The following LRP1B variants were observed in gnomAD, a reference collection of about 807,000 sequenced individuals.
LRP1B encodes LDL receptor related protein 1B, also known as low-density lipoprotein receptor-related protein 1B.
Under a neutral mutation model 556.6 loss-of-function variants are expected in LRP1B, and 217 were observed. The observed-to-expected ratio is 0.39, with a 90% CI of 0.35 to 0.44. The LOEUF is 0.44. LRP1B is among the 20% of genes least tolerant of loss of function. The pLI is 1.00. For synonymous variants in LRP1B, 2,047 were observed against 1,865.8 expected (o/e 1.10, Z -2.50); for missense variants, 5,053 against 5,620.8 (o/e 0.90, Z 3.23).
chr2:140,388,387 T>G (rs1158631318), intron 66 of LRP1B, among the ~76,000 whole-genome samples: 1 of 152,196 alleles, frequency 6.6e-6, no homozygotes, highest in African/African-American at 2.4e-5. Flanking sequence ...AAGGTTAATA[T>G]TTGGTAATGA....
At chr2:140,437,416 G>A (rs541335832) in intron 66 of LRP1B, among the ~76,000 whole-genome samples, 2 of 152,278 alleles carry the variant, frequency 1.3e-5, no homozygotes, top group East Asian at 3.9e-4. Context: ...AGCCACACAG[G>A]ATAGGGGCAC....
Position 140,672,417 on chromosome 2 carries a change from G to C in LRP1B, c.6799+27833C>G, listed in dbSNP as rs149764728. 5.8e-3 allele frequency among the ~76,000 whole-genome samples: 850 copies of C among 145,394 alleles called. 11 individuals are homozygous for C. The highest frequency in any genetic ancestry group is 0.02 in the African/African-American group (803 of 39,370). ...GAGAATCGCTTGAACCCAGGAAGCA[G>C]AGGTTGCAGTGAGCAGAAATCGCAC... is the stretch of plus-strand genomic sequence containing the variant. On this transcript the variant is annotated intron_variant, in intron 41 of 90. Transcript: ENST00000389484.
chr2:140,477,595 CAAT>C (rs1181441742), intron 59 of LRP1B, among the ~76,000 whole-genome samples: 3 of 152,002 alleles, frequency 2.0e-5, no homozygotes, highest in Non-Finnish European at 4.4e-5. Flanking sequence ...TATTAGATGT[CAAT>C]AATAATGTTT....
At position 141,441,451 on chromosome 2, in the gene LRP1B, C is replaced by T. The variant is rs145096830; in HGVS notation, c.343+38945G>A. On this transcript the variant is annotated intron_variant, in intron 3 of 90. Coordinates refer to ENST00000389484, the MANE Select transcript of LRP1B (RefSeq NM_018557.3). The stretch of plus-strand genomic sequence containing the variant: ...ACTGATCCCTAAGGAATCTCAGTAA[C>T]TTAGAAGCACACTTAAACCATAAAT... Among the ~76,000 whole-genome samples, 40 of 152,292 alleles carry T rather than the reference C, an allele frequency of 2.6e-4. No individual in the cohort carries two copies. The East Asian group carries it at 5.0e-3, about 19-fold the overall frequency.
chr2:140,739,911 CAT>C (rs1454940046), intron 35 of LRP1B, among the ~76,000 whole-genome samples: 1 of 152,084 alleles, frequency 6.6e-6, no homozygotes, highest in African/African-American at 2.4e-5. Context: ...GACCAACAAA[CAT>C]ATGAAAAATG....
intron 7 of LRP1B, among the ~76,000 whole-genome samples, chr2:141,101,759 G>A (rs371887099): frequency 6.6e-6 from 1 of 152,078 alleles, no homozygotes; most frequent in African/African-American, 2.4e-5. Context: ...TTACTTTTCT[G>A]TAAACCCACG....
At position 140,593,206 on chromosome 2, in the gene LRP1B, T is replaced by C. The variant is rs573418768; in HGVS notation, c.7194+5425A>G. On this transcript the variant is annotated intron_variant, in intron 43 of 90. Transcript: ENST00000389484. The stretch of plus-strand genomic sequence containing the variant: ...GATTTCTTCCTGGGAATATATTCCT[T>C]AAACAATCTTGGATTCAGTTTTTAA... Among the ~76,000 whole-genome samples the C allele has an allele frequency of 2.0e-5, 3 of 152,304 alleles. No individual in the cohort carries two copies. The East Asian group carries it at 5.8e-4, about 29-fold the overall frequency.
chr2:140,851,720 T>C lies in LRP1B; in HGVS notation c.4643A>G (p.His1548Arg). ...GPCSHMCLIN[H>R]NRSAACACPH... is the part of the protein sequence containing the mutation. ...GCACGCACAGGCAGCACTCCTATTG[T>C]GATTGATTAGACACATGTGAGAGCA... is the stretch of plus-strand genomic sequence containing the variant. The change falls in exon 28 of 91, where the codon CAC becomes CGC. Residue 1548 changes from histidine to arginine, a missense_variant. By Grantham distance (29) the His-to-Arg change is conservative. Around this residue, in one of 5 missense-constraint regions of LRP1B, gnomAD observed 3,619 missense variants for 3,931.9 expected, o/e 0.92. Transcript: ENST00000389484. 1 of 1,610,488 alleles carries C rather than the reference T, an allele frequency of 6.2e-7. No individual in the cohort carries two copies. The highest frequency in any genetic ancestry group is 1.7e-4 in the Middle Eastern group (1 of 6,056).
intron 84 of LRP1B, among the ~76,000 whole-genome samples, chr2:140,275,040 G>A (rs186512742): frequency 1.8e-4 from 28 of 152,032 alleles, no homozygotes; most frequent in Non-Finnish European, 1.0e-4. Flanking sequence ...AATGAGGGTC[G>A]TGATTACATC....
intron 2 of LRP1B, among the ~76,000 whole-genome samples, chr2:141,530,659 G>T (rs1684842195): frequency 6.6e-6 from 1 of 152,028 alleles, no homozygotes; most frequent in Non-Finnish European, 1.5e-5. Flanking sequence ...GATTAAGAGG[G>T]TAGGGAAGGG....
chr2:141,779,519 C>T (rs1468057198), intron 2 of LRP1B, among the ~76,000 whole-genome samples: 2 of 150,630 alleles, frequency 1.3e-5, no homozygotes, highest in East Asian at 2.0e-4. Flanking sequence ...CAGGTTCAAG[C>T]GATTCTGCTG....
chr2:141,050,461 A>G (rs1699003818), intron 10 of LRP1B, among the ~76,000 whole-genome samples: 1 of 151,956 alleles, frequency 6.6e-6, no homozygotes, highest in Non-Finnish European at 1.5e-5. Context: ...TAAGCCCCAC[A>G]TGCATTTGGT....
chr2:141,616,993 C>A (rs779995341), intron 2 of LRP1B, among the ~76,000 whole-genome samples: 1 of 152,196 alleles, frequency 6.6e-6, no homozygotes, highest in Non-Finnish European at 1.5e-5. Context: ...ACTTACTCTT[C>A]AGGTTCTTGC....
chr2:141,516,076 T>G (rs762361386), intron 2 of LRP1B, among the ~76,000 whole-genome samples: 7 of 152,188 alleles, frequency 4.6e-5, no homozygotes, highest in Non-Finnish European at 8.8e-5. Flanking sequence ...TGGAGTAATG[T>G]GATGCTTCAA....
At chr2:141,032,811 G>GTA (rs977653294) in intron 11 of LRP1B, among the ~76,000 whole-genome samples, 1 of 79,196 alleles carries the variant, frequency 1.3e-5, no homozygotes, top group African/African-American at 4.7e-5. Flanking sequence ...ATGTGTGTGT[G>GTA]TATATATATA....
chr2:141,614,724 T>C (rs66461219), intron 2 of LRP1B, among the ~76,000 whole-genome samples: 12,121 of 152,154 alleles, frequency 0.08, 566 homozygotes, highest in South Asian at 0.13. Context: ...AGAAGAGGCA[T>C]AGAATAGATT....
intron 77 of LRP1B, among the ~76,000 whole-genome samples, chr2:140,338,801 C>T (rs1209502826): frequency 6.6e-6 from 1 of 151,622 alleles, no homozygotes; most frequent in Non-Finnish European, 1.5e-5. Context: ...AGCTAAGCTA[C>T]TTGCCTTAAA....
intron 7 of LRP1B, among the ~76,000 whole-genome samples, chr2:141,158,011 C>A (rs1304502633): frequency 6.6e-6 from 1 of 152,068 alleles, no homozygotes; most frequent in African/African-American, 2.4e-5. Flanking sequence ...ATCAGTTTAT[C>A]TATTAAAAGG....
At chr2:141,113,460 AT>A (rs1351699216) in intron 7 of LRP1B, among the ~76,000 whole-genome samples, 1 of 152,172 alleles carries the variant, frequency 6.6e-6, no homozygotes, top group Admixed American at 6.5e-5. Flanking sequence ...CAATTGATTC[AT>A]TTGGTCCCTT....
Sources: allele counts gnomAD v4.1 joint callset (sites outside exome capture counted in the v4.1 genomes callset), GRCh38; gene constraint gnomAD v4.1.1; regional missense constraint gnomAD v4.1.1; transcripts MANE v1.5; gene names NCBI Gene and HGNC (gene_info 2026-07-23, HGNC 2026-07-21).